AGAP1: variants seen among roughly 807,000 people sequenced by gnomAD.
The protein encoded by AGAP1 is ArfGAP with GTPase domain, ankyrin repeat and PH domain 1.
AGAP1 carries 29 observed loss-of-function variants against 105.3 expected under a neutral mutation model. The observed-to-expected ratio is 0.28, with a 90% CI of 0.21 to 0.38. The LOEUF (loss-of-function observed/expected upper bound fraction) is 0.38. AGAP1 is among the 10% of genes least tolerant of loss of function. AGAP1 has a pLI of 1.00. For missense variants in AGAP1, 998 were observed against 1,165.1 expected (o/e 0.86, Z 2.09); for synonymous variants, 509 against 485.9 (o/e 1.05, Z -0.63).
At chr2:235,652,310 C>T (rs1260142217) in intron 1 of AGAP1, among the ~76,000 whole-genome samples, 1 of 152,100 alleles carries the variant, frequency 6.6e-6, no homozygotes, top group African/African-American at 2.4e-5. Flanking sequence ...CACTTTCCAG[C>T]CTTCAGCCAC....
intron 1 of AGAP1, among the ~76,000 whole-genome samples, chr2:235,521,207 TA>T (rs2149050358): frequency 6.6e-6 from 1 of 152,318 alleles, no homozygotes; most frequent in Admixed American, 6.5e-5. Context: ...CTTTCGGTGA[TA>T]AACTCCAGTT....
At chr2:235,537,725 G>A (rs1216713864) in intron 1 of AGAP1, among the ~76,000 whole-genome samples, 2 of 152,164 alleles carry the variant, frequency 1.3e-5, no homozygotes, top group African/African-American at 4.8e-5. Flanking sequence ...CAGCAATTGC[G>A]ATACCATTGG....
intron 16 of AGAP1, among the ~76,000 whole-genome samples, chr2:236,102,300 C>T (rs925446872): frequency 3.0e-4 from 44 of 145,198 alleles, no homozygotes; most frequent in Middle Eastern, 3.3e-3. Context: ...GCCTGTGGTC[C>T]GAGCCACTCA....
At chr2:235,956,524 CTG>C (rs1312832499) in intron 12 of AGAP1, among the ~76,000 whole-genome samples, 1 of 151,528 alleles carries the variant, frequency 6.6e-6, no homozygotes, top group Non-Finnish European at 1.5e-5. Context: ...AAAAAAAAAA[CTG>C]TTGTAGTGGA....
intron 16 of AGAP1, among the ~76,000 whole-genome samples, chr2:236,081,714 T>C (rs552480441): frequency 1.3e-5 from 2 of 152,252 alleles, no homozygotes; most frequent in East Asian, 3.9e-4. Flanking sequence ...AAAATACTTT[T>C]TTTCTTTTAA....
In AGAP1 at chr2:236,014,640, G is replaced by C. The variant is rs933006035; in HGVS notation, c.1646-21921G>C. 6.6e-6 allele frequency among the ~76,000 whole-genome samples: 1 copy of C among 152,134 alleles called. No individual in the cohort carries two copies. Among genetic ancestry groups the C allele is most frequent in the Non-Finnish European group, 1.5e-5 (1 of 68,034 alleles). ...CTGTTCACCGCAGGGGAGTTGGAGG[G>C]CTCAGCCCAGGGAGCTCCATGGCAC... is the stretch of plus-strand genomic sequence containing the variant. On this transcript the variant is annotated intron_variant, in intron 13 of 17. Coordinates refer to ENST00000304032, the MANE Select transcript of AGAP1 (RefSeq NM_001037131.3). This position sits in a 1 kb window ranked among gnomAD's most constrained non-coding sequence, Gnocchi z 6.3.
At chr2:235,715,053 C>T (rs1481541396) in intron 2 of AGAP1, among the ~76,000 whole-genome samples, 2 of 152,054 alleles carry the variant, frequency 1.3e-5, no homozygotes, top group Admixed American at 1.3e-4. Context: ...CGCTTCGGCC[C>T]CCCAAAGTGC....
chr2:236,110,197 G>GTT (rs2059608213), intron 16 of AGAP1, among the ~76,000 whole-genome samples: 1 of 152,144 alleles, frequency 6.6e-6, no homozygotes, highest in Non-Finnish European at 1.5e-5. Context: ...AGGTAATTGT[G>GTT]TAAAAGGTTC....
At chr2:235,531,297 A>G (rs530892901) in intron 1 of AGAP1, among the ~76,000 whole-genome samples, 1 of 152,110 alleles carries the variant, frequency 6.6e-6, no homozygotes, top group African/African-American at 2.4e-5. Context: ...GGTTATGTGC[A>G]TGGAAGAGGT....
intron 16 of AGAP1, among the ~76,000 whole-genome samples, chr2:236,075,180 G>A (rs1453612829): frequency 6.6e-6 from 1 of 152,198 alleles, no homozygotes; most frequent in Non-Finnish European, 1.5e-5. Flanking sequence ...GAAAATTTCA[G>A]GTGGGCATGA....
At chr2:235,704,551 C>T (rs1575175579) in intron 1 of AGAP1, among the ~76,000 whole-genome samples, 1 of 152,194 alleles carries the variant, frequency 6.6e-6, no homozygotes. Context: ...GAGGCTGAGG[C>T]AGGAGAATCT....
At chr2:235,710,003 C>CTATG (rs905301373) in intron 2 of AGAP1, among the ~76,000 whole-genome samples, 10 of 152,188 alleles carry the variant, frequency 6.6e-5, no homozygotes, top group African/African-American at 1.4e-4. Context: ...ATGTAGGTAT[C>CTATG]TATGTATGTA....
At chr2:235,618,211 T>A (rs1946368726) in intron 1 of AGAP1, among the ~76,000 whole-genome samples, 1 of 152,194 alleles carries the variant, frequency 6.6e-6, no homozygotes, top group African/African-American at 2.4e-5. Flanking sequence ...TCTTTGTTTA[T>A]TTTGACTCAG....
rs772604124 is a variant in AGAP1 at position 235,968,469 on chromosome 2, G to A, written c.1491G>A (p.Gly497=). ...TTTCCGGTCCAATGGCAGACACAGGGCTGGGTGACTCCGTATGCTCCAGCC... is the reference window on the plus strand; with the variant it reads ...TTTCCGGTCCAATGGCAGACACAGGACTGGGTGACTCCGTATGCTCCAGCC... The part of the protein sequence containing the change: ...IANSAISSDT[G]LGDSVCSSPS... Residue 497 remains glycine (G), a synonymous_variant, in exon 13 of 18, where the codon GGG becomes GGA. Coordinates refer to ENST00000304032, the MANE Select transcript of AGAP1 (RefSeq NM_001037131.3). 13 of 1,598,014 alleles carry A rather than the reference G, an allele frequency of 8.1e-6. No individual in the cohort carries two copies. The South Asian group carries it at 1.4e-4, about 17-fold the overall frequency.
intron 6 of AGAP1, among the ~76,000 whole-genome samples, chr2:235,791,269 C>G (rs748277191): frequency 7.9e-5 from 12 of 152,190 alleles, no homozygotes; most frequent in Non-Finnish European, 1.6e-4. Context: ...TTAATGATCA[C>G]TTTACTGTGA....
intron 1 of AGAP1, among the ~76,000 whole-genome samples, chr2:235,542,196 T>G (rs1236957009): frequency 6.7e-6 from 1 of 150,252 alleles, no homozygotes; most frequent in African/African-American, 2.5e-5. Flanking sequence ...GGAAGCAAAG[T>G]GCAGTTCAGA....
rs1163683986 is a variant in AGAP1, at chr2:235,578,772, G to A, written c.163+83923G>A. On this transcript the variant is annotated intron_variant, in intron 1 of 17. Coordinates refer to ENST00000304032, the MANE Select transcript of AGAP1 (RefSeq NM_001037131.3). The surrounding 1 kb of genome is among the most constrained non-coding windows in gnomAD (Gnocchi z 4.9). Reference sequence around the variant, plus strand: ...TGCACTCCAGCCTGGGCAATACAGCGAGACTCAGTCTCAAAAAAAAAAAAA... The same window carrying A: ...TGCACTCCAGCCTGGGCAATACAGCAAGACTCAGTCTCAAAAAAAAAAAAA... Among the ~76,000 whole-genome samples the A allele has an allele frequency of 6.3e-5, 9 of 142,188 alleles. No individual in the cohort carries two copies. Among genetic ancestry groups the A allele is most frequent in the Non-Finnish European group, 1.2e-4 (8 of 66,398 alleles). The allele number at this position is 142,188 out of a possible 152,430, so 93.3% of individuals were successfully genotyped here.
rs528229393 is a variant in AGAP1 at position 235,654,371 on chromosome 2, G to A, written c.164-54808G>A. 3.9e-5 allele frequency among the ~76,000 whole-genome samples: 6 copies of A among 152,254 alleles called. No individual in the cohort carries two copies. In the South Asian group the frequency reaches 1.2e-3, roughly 32 times the overall value. ...GCCATGGTATTTCCTGCACAGCTGG[G>A]GATGCTTAACTGTGTAACTACAATA... is the stretch of plus-strand genomic sequence containing the variant. On this transcript the variant is annotated intron_variant, in intron 1 of 17. Coordinates refer to ENST00000304032, the MANE Select transcript of AGAP1 (RefSeq NM_001037131.3).
chr2:235,504,078 C>G (rs1357096960), intron 1 of AGAP1, among the ~76,000 whole-genome samples: 2 of 152,024 alleles, frequency 1.3e-5, no homozygotes, highest in Admixed American at 6.6e-5. Flanking sequence ...GAGATGGGGT[C>G]TCGCTATGTT....
Sources: gnomAD v4.1 joint callset for allele counts (sites outside exome capture counted in the v4.1 genomes callset) on GRCh38, gnomAD v4.1.1 for gene constraint, Gnocchi (gnomAD v3.1) non-coding constraint, MANE v1.5 for transcripts, NCBI Gene and HGNC (gene_info 2026-07-23, HGNC 2026-07-21) for gene names.